Variants in SDAD1 observed in about 807,000 individuals in gnomAD.
SDAD1 encodes protein SDA1 homolog.
A neutral mutation model predicts 100.3 loss-of-function variants in SDAD1; 79 were observed. That is an observed-to-expected ratio of 0.79 (90% confidence interval 0.66 to 0.95). The LOEUF is 0.95. SDAD1 is among the 40% of genes least tolerant of loss of function. The probability of loss-of-function intolerance (pLI) is 0.00; values close to 1 mark genes in which losing one functional copy is unlikely to be tolerated. For synonymous variants in SDAD1, 267 were observed against 271.4 expected (o/e 0.98, Z 0.16); for missense variants, 790 against 810.9 (o/e 0.97, Z 0.31).
At chr4:75,984,778 A>ACACACACACACACACACAC (rs1730779567) in intron 1 of SDAD1, among the ~76,000 whole-genome samples, 18 of 137,024 alleles carry the variant, frequency 1.3e-4, no homozygotes, top group Admixed American at 2.2e-4. Flanking sequence ...CACACACACA[A>ACACACACACACACACACAC]ACACACACAC....
chr4:75,970,403 T>G, intron 9 of SDAD1, 25 bp from the exon 10 acceptor site: 1 of 1,559,114 alleles, frequency 6.4e-7, no homozygotes, highest in Non-Finnish European at 8.8e-7. Context: ...AAAAACATTT[T>G]CAGTCTGAGT....
At position 75,975,749 on chromosome 4, in the gene SDAD1, G is replaced by A. The variant is rs1265759716; in HGVS notation, c.573C>T (p.Asn191=). 14 of 1,607,940 alleles carry A rather than the reference G, an allele frequency of 8.7e-6. No homozygotes were observed. The highest frequency in any genetic ancestry group is 1.7e-5 in the Admixed American group (1 of 59,990). Residue 191 remains asparagine, a synonymous_variant, in exon 6 of 22, where the codon AAC becomes AAT. Transcript: ENST00000356260. Reference sequence around the variant, plus strand: ...GACAAATATATATACACTACCAGATGTTCCTTCTGTAGAGTTCAATCATTA... The same window carrying A: ...GACAAATATATATACACTACCAGATATTCCTTCTGTAGAGTTCAATCATTA... ...LDVMIELYRR[N]IWNDAKTVNV...
At position 75,981,426 on chromosome 4, in the gene SDAD1, C is replaced by T. The variant is rs1258978165; in HGVS notation, c.240G>A (p.Glu80=). Residue 80 remains glutamate (E), a synonymous_variant, in exon 3 of 22, where the codon GAG becomes GAA. Coordinates refer to ENST00000356260, the MANE Select transcript of SDAD1 (RefSeq NM_018115.4). The part of the protein sequence containing the change: ...YPEYLSNFPQ[E]VKDLLSCNHT... Reference sequence around the variant, plus strand: ...GATTGCAGGAGAGAAGATCTTTCACCTCTTGAGGAAAATTACTTAGGTACT... The same window carrying T: ...GATTGCAGGAGAGAAGATCTTTCACTTCTTGAGGAAAATTACTTAGGTACT... The T allele has an allele frequency of 2.5e-6, 4 of 1,613,826 alleles. No homozygotes were observed. The highest frequency in any genetic ancestry group is 2.2e-5 in the East Asian group (1 of 44,856).
At chr4:75,959,274 G>A (rs929271308) in intron 17 of SDAD1, among the ~76,000 whole-genome samples, 2 of 151,852 alleles carry the variant, frequency 1.3e-5, no homozygotes, top group Non-Finnish European at 2.9e-5. Flanking sequence ...TCTTTGCATT[G>A]GCAGTGGCTG....
Position 75,986,966 on chromosome 4 carries a change from C to G in SDAD1, c.90+3786G>C, listed in dbSNP as rs962431464. Among the ~76,000 whole-genome samples, 9 of 151,882 alleles carry G rather than the reference C, an allele frequency of 5.9e-5. No individual in the cohort carries two copies. In the South Asian group the frequency reaches 1.5e-3, roughly 25 times the overall value. The stretch of plus-strand genomic sequence containing the variant: ...CCAGGAGGTTGAGGCTGCAGTGAGC[C>G]GTGATCACACCACTGAACTCTGGCC... On this transcript the variant is annotated intron_variant, in intron 1 of 21. Transcript: ENST00000356260.
intron 1 of SDAD1, among the ~76,000 whole-genome samples, chr4:75,989,660 G>C (rs58909712): frequency 0.15 from 23,077 of 152,196 alleles, 2,770 homozygotes; most frequent in African/African-American, 0.33. Flanking sequence ...GAATTATATA[G>C]ACTCTCAACT....
intron 1 of SDAD1, among the ~76,000 whole-genome samples, chr4:75,986,346 C>T (rs933728651): frequency 6.6e-6 from 1 of 152,122 alleles, no homozygotes; most frequent in Non-Finnish European, 1.5e-5. Context: ...CTTCACTTTC[C>T]CACTTTTCTG....
At chr4:75,972,459 T>C (rs1032681068) in intron 8 of SDAD1, among the ~76,000 whole-genome samples, 12 of 151,404 alleles carry the variant, frequency 7.9e-5, no homozygotes, top group African/African-American at 2.9e-4. Flanking sequence ...AATATGTACA[T>C]AGTTTACTAT....
intron 21 of SDAD1, among the ~76,000 whole-genome samples, chr4:75,955,267 G>A (rs976933616): frequency 9.9e-5 from 15 of 152,024 alleles, no homozygotes; most frequent in Admixed American, 5.9e-4. Context: ...ACTAACCTAC[G>A]CCCACTCTCA....
chr4:75,969,030 C>CAAAAA (rs35570189), intron 11 of SDAD1, among the ~76,000 whole-genome samples: 21 of 64,004 alleles, frequency 3.3e-4, no homozygotes, highest in African/African-American at 9.6e-4. Flanking sequence ...GACTCTGTCT[C>CAAAAA]AAAAAAAAAA....
chr4:75,987,646 T>G (rs1300572280), intron 1 of SDAD1, among the ~76,000 whole-genome samples: 1 of 151,978 alleles, frequency 6.6e-6, no homozygotes, highest in Non-Finnish European at 1.5e-5. Context: ...GGATCACAGG[T>G]GCCCGCCACC....
chr4:75,968,397 G>T (rs1171196427), intron 11 of SDAD1, among the ~76,000 whole-genome samples: 3 of 151,726 alleles, frequency 2.0e-5, no homozygotes, highest in East Asian at 1.9e-4. Context: ...TTTTCTTTTG[G>T]TTTTTTTAAA....
intron 1 of SDAD1, among the ~76,000 whole-genome samples, chr4:75,990,231 C>T (rs561312808): frequency 1.3e-4 from 19 of 150,362 alleles, no homozygotes; most frequent in African/African-American, 4.7e-4. Context: ...CCTGGCTTAA[C>T]TAAATATACT....
At chr4:75,989,520 T>C (rs115140093) in intron 1 of SDAD1, among the ~76,000 whole-genome samples, 2,807 of 152,310 alleles carry the variant, frequency 0.018, 40 homozygotes, top group Non-Finnish European at 0.028. Context: ...TTTGCATATA[T>C]ACTTAAGTGA....
chr4:75,959,644 C>T (rs1729118632), intron 17 of SDAD1, among the ~76,000 whole-genome samples: 1 of 151,848 alleles, frequency 6.6e-6, no homozygotes, highest in Non-Finnish European at 1.5e-5. Context: ...AATGAATGGA[C>T]AGGAAGAATA....
At chr4:75,963,686 G>C (rs959154120) in intron 14 of SDAD1, among the ~76,000 whole-genome samples, 1 of 152,082 alleles carries the variant, frequency 6.6e-6, no homozygotes, top group Non-Finnish European at 1.5e-5. Flanking sequence ...TTGGCCCTCT[G>C]TTGGCTCTTG....
At chr4:75,961,442 T>A in intron 14 of SDAD1, 134 bp from the exon 15 acceptor site, 1 of 633,468 alleles carries the variant, frequency 1.6e-6, no homozygotes, top group South Asian at 1.9e-5. Flanking sequence ...TCTCCAAAAC[T>A]GCAGCATGTT....
chr4:75,986,940 C>A (rs1730935180), intron 1 of SDAD1, among the ~76,000 whole-genome samples: 1 of 152,032 alleles, frequency 6.6e-6, no homozygotes, highest in Non-Finnish European at 1.5e-5. Context: ...ATTGCTTGAG[C>A]CCAGGAGGTT....
At position 75,971,355 on chromosome 4, in the gene SDAD1, A is replaced by C; in HGVS notation, c.813+2T>G. ...ATCTCATTTTCCAGATACAAGTCCC[A>C]CCTTGAGCACTTTCATTGCCTTTTC... is the stretch of plus-strand genomic sequence containing the variant. On this transcript the variant is annotated splice_donor_variant, in intron 9 of 21. Coordinates refer to ENST00000356260, the MANE Select transcript of SDAD1 (RefSeq NM_018115.4). LOFTEE classifies it high-confidence loss of function. 6.2e-7 allele frequency: 1 copy of C among 1,606,514 alleles called. No individual in the cohort carries two copies. Among genetic ancestry groups the C allele is most frequent in the Non-Finnish European group, 8.5e-7 (1 of 1,173,424 alleles).
Sources: allele counts gnomAD v4.1 joint callset (sites outside exome capture counted in the v4.1 genomes callset), GRCh38; gene constraint gnomAD v4.1.1; transcripts MANE v1.5; gene names NCBI Gene and HGNC (gene_info 2026-07-23, HGNC 2026-07-21).